Variants in SRP54 observed in about 807,000 individuals in gnomAD.
SRP54 encodes signal recognition particle subunit SRP54.
In SRP54, 10 loss-of-function variants were observed where a neutral mutation model predicts 64.8. The observed-to-expected ratio is 0.15, with a 90% CI of 0.10 to 0.26. The LOEUF (loss-of-function observed/expected upper bound fraction) is 0.26. Among genes scored for constraint, SRP54 ranks in the 10% least tolerant of loss-of-function variants. The probability of loss-of-function intolerance (pLI) is 1.00; values close to 1 mark genes in which losing one functional copy is unlikely to be tolerated. For missense variants in SRP54, 325 were observed against 613.7 expected (o/e 0.53, Z 4.97); for synonymous variants, 193 against 185.6 (o/e 1.04, Z -0.32).
intron 8 of SRP54, among the ~76,000 whole-genome samples, chr14:35,012,173 G>A (rs1008001128): frequency 3.5e-5 from 5 of 141,066 alleles, no homozygotes; most frequent in African/African-American, 1.3e-4. Context: ...CCAAGATCAC[G>A]CCATTGCACT....
chr14:35,018,596 G>T, intron 11 of SRP54, 96 bp from the exon 12 acceptor site: 1 of 921,332 alleles, frequency 1.1e-6, no homozygotes, highest in East Asian at 2.6e-5. Flanking sequence ...TTATAAATAT[G>T]CTTCAAGATG....
At chr14:35,006,129 G>A (rs1202958697) in intron 4 of SRP54, among the ~76,000 whole-genome samples, 2 of 152,020 alleles carry the variant, frequency 1.3e-5, no homozygotes, top group Non-Finnish European at 2.9e-5. Context: ...ATGAGCCACC[G>A]CGCCCGGCCC....
At chr14:34,988,865 T>C (rs558942275) in intron 1 of SRP54, among the ~76,000 whole-genome samples, 19 of 152,048 alleles carry the variant, frequency 1.2e-4, no homozygotes, top group African/African-American at 4.6e-4. Context: ...TGTAAAATGG[T>C]GTAGTATTTG....
rs569924427 is a variant in SRP54, at chr14:35,012,276, T to A, written c.636+617T>A. 1.9e-4 allele frequency among the ~76,000 whole-genome samples: 29 copies of A among 152,136 alleles called. No homozygotes were observed. In the South Asian group the frequency reaches 4.4e-3, roughly 23 times the overall value. On this transcript the variant is annotated intron_variant, in intron 8 of 15. Coordinates refer to ENST00000216774, the MANE Select transcript of SRP54 (RefSeq NM_003136.4). The stretch of plus-strand genomic sequence containing the variant: ...TTTAGTTTCTGTTGAATTTCCTTTT[T>A]AAAAATTCAGTTGGAAATACTTAGA...
chr14:34,999,948 T>G, intron 3 of SRP54: 1 of 179,878 alleles, frequency 5.6e-6, no homozygotes, highest in South Asian at 1.8e-4. Context: ...TAAAGCCTTT[T>G]AACAATTCAG....
chr14:34,992,855 CTTAT>C (rs139297978), intron 1 of SRP54, among the ~76,000 whole-genome samples: 55,597 of 151,304 alleles, frequency 0.37, 10,778 homozygotes, highest in East Asian at 0.69. Flanking sequence ...ACTAGTATGG[CTTAT>C]TTATTTATTT....
chr14:35,011,881 C>G lies in SRP54; in HGVS notation c.636+222C>G, dbSNP rs188405368. 3.9e-3 allele frequency among the ~76,000 whole-genome samples: 587 copies of G among 152,240 alleles called. 6 individuals carry two copies. The highest frequency in any genetic ancestry group is 0.014 in the African/African-American group (570 of 41,546). Reference sequence around the variant, plus strand: ...TTTCATAAGTATGAAAAAGTAATTTCCTTTCTCAGTCATCCTATTAGTATG... The same window carrying G: ...TTTCATAAGTATGAAAAAGTAATTTGCTTTCTCAGTCATCCTATTAGTATG... On this transcript the variant is annotated intron_variant, in intron 8 of 15. Transcript: ENST00000216774.
In SRP54 at chr14:35,029,217, C is replaced by A; in HGVS notation, c.*65C>A. 7.7e-7 allele frequency: 1 copy of A among 1,291,030 alleles called. No individual in the cohort carries two copies. Among genetic ancestry groups the A allele is most frequent in the Non-Finnish European group, 1.1e-6 (1 of 918,950 alleles). The allele number at this position is 1,291,030 out of a possible 1,614,324, so 80.0% of individuals were successfully genotyped here. ...AATTTGCTGAGACCTCAGCGTTTCC[C>A]TTCTTTTTGCGAATTGGGGGGAAAG... On this transcript the variant is annotated 3_prime_UTR_variant, in exon 16 of 16. Transcript: ENST00000216774.
chr14:35,020,113 A>G (rs2044502573), intron 13 of SRP54, among the ~76,000 whole-genome samples: 4 of 152,156 alleles, frequency 2.6e-5, no homozygotes, highest in Admixed American at 6.5e-5. Context: ...TGAACCCGGG[A>G]GGCGGAGGTT....
chr14:35,021,632 C>CA (rs11373911), intron 13 of SRP54, among the ~76,000 whole-genome samples: 29,879 of 132,068 alleles, frequency 0.23, 3,187 homozygotes, highest in East Asian at 0.4. Flanking sequence ...CACTCTGTCT[C>CA]AAAAAAAAAA....
intron 4 of SRP54, among the ~76,000 whole-genome samples, chr14:35,002,247 C>A (rs1474728994): frequency 6.6e-6 from 1 of 151,200 alleles, no homozygotes; most frequent in Non-Finnish European, 1.5e-5. Flanking sequence ...CCAGCTACTC[C>A]GGAGGGTGAG....
Position 35,022,934 on chromosome 14 carries a change from A to G in SRP54, c.1181A>G (p.Lys394Arg), listed in dbSNP as rs1172350748. 2 of 1,613,910 alleles carry G rather than the reference A, an allele frequency of 1.2e-6. No homozygotes were observed. The highest frequency in any genetic ancestry group is 1.1e-5 in the South Asian group (1 of 91,048). ...DQELDSTDGA[K>R]VFSKQPGRIQ... ...GAACTAGACAGTACGGATGGTGCCA[A>G]AGTTTTTAGTAAACAACCAGGAAGA... Residue 394 changes from lysine (K) to arginine (R), a missense_variant, in exon 14 of 16, where the codon AAA becomes AGA. Around this residue, in one of 3 missense-constraint regions of SRP54, gnomAD observed 146 missense variants for 337.4 expected, o/e 0.43. Transcript: ENST00000216774.
At chr14:35,009,134 T>C (rs2139000038) in intron 7 of SRP54, among the ~76,000 whole-genome samples, 1 of 152,026 alleles carries the variant, frequency 6.6e-6, no homozygotes, top group South Asian at 2.1e-4. Context: ...GTGATCCACC[T>C]GCCTCAGCCT....
Position 34,989,074 on chromosome 14 carries a change from G to A in SRP54, c.-34+5859G>A, listed in dbSNP as rs191639903. On this transcript the variant is annotated intron_variant, in intron 1 of 15. Coordinates refer to ENST00000216774, the MANE Select transcript of SRP54 (RefSeq NM_003136.4). ...ATTTTTTTTCTGAATGTTTTGATTT[G>A]TAGTTGGTTGAATCCATGGTTGTGA... 2.6e-5 allele frequency among the ~76,000 whole-genome samples: 4 copies of A among 152,192 alleles called. No individual in the cohort carries two copies. The East Asian group carries it at 7.7e-4, about 29-fold the overall frequency.
intron 14 of SRP54, among the ~76,000 whole-genome samples, chr14:35,024,766 G>A (rs1306296302): frequency 4.0e-5 from 6 of 150,718 alleles, no homozygotes; most frequent in African/African-American, 1.5e-4. Flanking sequence ...TTGCTCTGTC[G>A]CCCAGGCTGG....
intron 3 of SRP54, 50 bp downstream of exon 3, chr14:34,999,699 C>A: frequency 7.4e-7 from 1 of 1,343,700 alleles, no homozygotes; most frequent in Non-Finnish European, 1.1e-6. Context: ...GTTTAGTTTA[C>A]TGGAAAGAGG....
chr14:35,003,770 C>CA (rs112941572), intron 4 of SRP54, among the ~76,000 whole-genome samples: 25,546 of 150,300 alleles, frequency 0.17, 2,353 homozygotes, highest in East Asian at 0.31. Context: ...CCCATCACTA[C>CA]AAAAAATACA....
intron 10 of SRP54, 57 bp from the exon 11 acceptor site, chr14:35,014,687 A>G (rs1445745711): frequency 2.3e-6 from 3 of 1,305,462 alleles, no homozygotes; most frequent in South Asian, 1.2e-5. Flanking sequence ...TGTGTTTTGT[A>G]TAATGTGAAG....
Position 34,999,000 on chromosome 14 carries a change from TGTGTG to T in SRP54, c.79-557_79-553del, listed in dbSNP as rs2044123925. Among the ~76,000 whole-genome samples, 2 of 87,642 alleles carry T rather than the reference TGTGTG, an allele frequency of 2.3e-5. 1 individual carries two copies. The highest frequency in any genetic ancestry group is 7.2e-5 in the African/African-American group (2 of 27,688). The allele number at this position is 87,642 out of a possible 152,430, so 57.5% of individuals were successfully genotyped here. ...GTGTGTGTGTGTGTGTGTGTGTGTG[TGTGTG>T]TGTGTGTGGTTTTTTTTTTTTTTTT... On this transcript the variant is annotated intron_variant, in intron 2 of 15. Transcript: ENST00000216774.
Sources: gnomAD v4.1 joint callset for allele counts (sites outside exome capture counted in the v4.1 genomes callset) on GRCh38, gnomAD v4.1.1 for gene constraint, gnomAD v4.1.1 regional missense constraint, MANE v1.5 for transcripts, NCBI Gene and HGNC (gene_info 2026-07-23, HGNC 2026-07-21) for gene names.